COL9A1: variants seen among roughly 807,000 people sequenced by gnomAD.
COL9A1 encodes collagen type IX alpha 1 chain.
In COL9A1, 104 loss-of-function variants were observed where a neutral mutation model predicts 142.6. The ratio of observed to expected loss-of-function variants is 0.73; its 90% CI spans 0.62 to 0.86. COL9A1 has a LOEUF of 0.86. Ranked by LOEUF, COL9A1 falls within the 40% of genes least tolerant of loss-of-function variation. The pLI is 0.00. For synonymous variants in COL9A1, 466 were observed against 396.0 expected (o/e 1.18, Z -2.10); for missense variants, 1,210 against 1,176.6 (o/e 1.03, Z -0.42).
In COL9A1 at chr6:70,277,591, T is replaced by G. The variant is rs558969319; in HGVS notation, c.976-2819A>C. On this transcript the variant is annotated intron_variant, in intron 10 of 37. Transcript: ENST00000357250. ...GACTGTGTTCTGAACTTCATGTTACTGTTTGGCAGAGAAAACCAGTCCTCA... is the reference window on the plus strand; with the variant it reads ...GACTGTGTTCTGAACTTCATGTTACGGTTTGGCAGAGAAAACCAGTCCTCA... Among the ~76,000 whole-genome samples, 214 of 152,370 alleles carry G rather than the reference T, an allele frequency of 1.4e-3. 2 individuals are homozygous for G. The highest frequency in any genetic ancestry group is 5.0e-3 in the African/African-American group (208 of 41,586).
intron 37 of COL9A1, among the ~76,000 whole-genome samples, chr6:70,222,360 A>G (rs1222167620): frequency 2.0e-5 from 3 of 152,196 alleles, no homozygotes. Context: ...AAGGTAAAAG[A>G]ATAGTGCATA....
chr6:70,229,794 G>T (rs1517043), intron 36 of COL9A1, among the ~76,000 whole-genome samples: 6,009 of 152,190 alleles, frequency 0.039, 159 homozygotes, highest in Non-Finnish European at 0.061. Context: ...GTATAATATT[G>T]TGTAAAGCAT....
Position 70,274,102 on chromosome 6 carries a change from C to T in COL9A1, c.1030-20G>A, listed in dbSNP as rs16868897. 3.2e-6 allele frequency: 5 copies of T among 1,580,288 alleles called. No individual in the cohort carries two copies. In the South Asian group the frequency reaches 4.6e-5, roughly 15 times the overall value. On this transcript the variant is annotated intron_variant, in intron 11 of 37. Coordinates refer to ENST00000357250, the MANE Select transcript of COL9A1 (RefSeq NM_001851.6). ...TTCTCCCTAAAAATAAAAATAGTTT[C>T]ATTGTACTGACCTTTCATATCATGA...
chr6:70,301,887 A>T, intron 2 of COL9A1, 114 bp downstream of exon 2: 1 of 835,020 alleles, frequency 1.2e-6, no homozygotes, highest in Admixed American at 2.0e-5. Flanking sequence ...TGGATTGAAG[A>T]GTGAGGGTGT....
At position 70,294,500 on chromosome 6, in the gene COL9A1, T is replaced by C. The variant is rs139933266; in HGVS notation, c.363A>G (p.Gly121=). The C allele has an allele frequency of 5.6e-6, 9 of 1,614,106 alleles. No individual in the cohort carries two copies. Among genetic ancestry groups the C allele is most frequent in the Non-Finnish European group, 7.6e-6 (9 of 1,179,958 alleles). ...TGTTCCAGTTCTTTTTGAGAGTGCT[T>C]CCAGTCATTCGAAACGTCGTCAAGA... ...YSFLTTFRMT[G]STLKKNWNIW... is the part of the protein sequence containing the mutation. The change falls in exon 5 of 38, where the codon GGA becomes GGG. Residue 121 remains glycine, a synonymous_variant. Transcript: ENST00000357250.
Position 70,255,160 on chromosome 6 carries a change from T to C in COL9A1, c.1601A>G (p.Lys534Arg). 1.2e-6 allele frequency: 2 copies of C among 1,614,190 alleles called. No individual in the cohort carries two copies. The highest frequency in any genetic ancestry group is 1.7e-6 in the Non-Finnish European group (2 of 1,180,020). ...CAGCTCAGGACATACCGTGTCTCCT[T>C]TGGGCCCAGGGAGACCAGGAATTCC... ...ARGIPGLPGP[K>R]GDTGLPGVDG... Residue 534 changes from lysine to arginine, a missense_variant, in exon 23 of 38, where the codon AAA becomes AGA. Coordinates refer to ENST00000357250, the MANE Select transcript of COL9A1 (RefSeq NM_001851.6).
chr6:70,282,419 AG>A (rs1028035417), intron 7 of COL9A1, among the ~76,000 whole-genome samples: 1 of 152,214 alleles, frequency 6.6e-6, no homozygotes, highest in African/African-American at 2.4e-5. Flanking sequence ...GATGGAAGCC[AG>A]GGCCGCCAAG....
At chr6:70,299,606 C>T (rs1295249713) in intron 4 of COL9A1, among the ~76,000 whole-genome samples, 1 of 152,056 alleles carries the variant, frequency 6.6e-6, no homozygotes, top group Middle Eastern at 3.2e-3. Flanking sequence ...TTGATGTCTG[C>T]CAGAAGCCAA....
At chr6:70,301,634 A>G (rs957681083) in intron 2 of COL9A1, among the ~76,000 whole-genome samples, 1 of 152,154 alleles carries the variant, frequency 6.6e-6, no homozygotes, top group Non-Finnish European at 1.5e-5. Context: ...GGTACATCAA[A>G]CATGCTCTTT....
Position 70,280,877 on chromosome 6 carries a change from G to A in COL9A1, c.913-3C>T, listed in dbSNP as rs774820541. ...TTTCCCGGTTCACCTGCAGGACCCTGAGCAGGGGCAGAAGGGTGCGGGGGC... is the reference window on the plus strand; with the variant it reads ...TTTCCCGGTTCACCTGCAGGACCCTAAGCAGGGGCAGAAGGGTGCGGGGGC... On this transcript the variant is annotated splice_region_variant and splice_polypyrimidine_tract_variant and intron_variant, in intron 9 of 37. Transcript: ENST00000357250. The A allele has an allele frequency of 6.2e-7, 1 of 1,613,558 alleles. No homozygotes were observed. The highest frequency in any genetic ancestry group is 2.2e-5 in the East Asian group (1 of 44,864).
rs553027609 is a variant in COL9A1, at chr6:70,252,823, G to A, written c.1765-508C>T. Among the ~76,000 whole-genome samples the A allele has an allele frequency of 2.0e-3, 310 of 152,256 alleles. 1 individual carries two copies. The highest frequency in any genetic ancestry group is 5.2e-3 in the African/African-American group (214 of 41,546). ...ATCAATCTCATGTGCAGCTCAAGAC[G>A]CTGCAGACCACTGTGACTGGGGAGC... On this transcript the variant is annotated intron_variant, in intron 26 of 37. Coordinates refer to ENST00000357250, the MANE Select transcript of COL9A1 (RefSeq NM_001851.6).
intron 21 of COL9A1, 64 bp from the exon 22 acceptor site, chr6:70,255,454 TAGAA>T: frequency 1.4e-6 from 2 of 1,424,112 alleles, no homozygotes; most frequent in Non-Finnish European, 2.0e-6. Flanking sequence ...TTTTAAAAAT[TAGAA>T]AGTATCATCC....
At chr6:70,295,957 T>G (rs1294153723) in intron 4 of COL9A1, among the ~76,000 whole-genome samples, 1 of 152,246 alleles carries the variant, frequency 6.6e-6, no homozygotes, top group African/African-American at 2.4e-5. Flanking sequence ...AGAACAGTTA[T>G]GGACCAGGAC....
chr6:70,232,543 A>G (rs771103997), intron 36 of COL9A1, 40 bp downstream of exon 36: 8 of 1,600,864 alleles, frequency 5.0e-6, no homozygotes, highest in Non-Finnish European at 6.8e-6. Flanking sequence ...CATCTGAAAA[A>G]GGTTGTGTTC....
At position 70,253,448 on chromosome 6, in the gene COL9A1, A is replaced by G. The variant is rs1209895030; in HGVS notation, c.1720-19T>C. ...GTACACCCTAAAAGAATACATACAC[A>G]ATCCTAGTTTAATCACCTCCTCTGA... is the stretch of plus-strand genomic sequence containing the variant. On this transcript the variant is annotated intron_variant, in intron 25 of 37. Coordinates refer to ENST00000357250, the MANE Select transcript of COL9A1 (RefSeq NM_001851.6). The G allele has an allele frequency of 2.5e-6, 4 of 1,590,744 alleles. No homozygotes were observed. In the African/African-American group the frequency reaches 4.0e-5, roughly 16 times the overall value.
chr6:70,234,501 T>C lies in COL9A1; in HGVS notation c.2314+38A>G, dbSNP rs747099690. On this transcript the variant is annotated intron_variant, in intron 35 of 37. Transcript: ENST00000357250. ...GAATAAAATCTTAAGAAACAAGAGTTGATGGTGGAAAAAGTCAAACCATTG... is the reference window on the plus strand; with the variant it reads ...GAATAAAATCTTAAGAAACAAGAGTCGATGGTGGAAAAAGTCAAACCATTG... The C allele has an allele frequency of 1.9e-6, 3 of 1,604,132 alleles. No individual in the cohort carries two copies. The East Asian group carries it at 6.7e-5, about 36-fold the overall frequency.
At chr6:70,271,330 C>T (rs1772387654) in intron 14 of COL9A1, among the ~76,000 whole-genome samples, 1 of 152,128 alleles carries the variant, frequency 6.6e-6, no homozygotes, top group Non-Finnish European at 1.5e-5. Context: ...AGGCTATTCA[C>T]TTTTATTTCA....
intron 10 of COL9A1, among the ~76,000 whole-genome samples, chr6:70,278,733 G>T (rs1772924785): frequency 6.6e-6 from 1 of 152,098 alleles, no homozygotes. Context: ...CTGCACTGTG[G>T]GTCTGCAAAT....
intron 4 of COL9A1, among the ~76,000 whole-genome samples, chr6:70,298,224 T>TA (rs1237002229): frequency 1.3e-5 from 2 of 152,208 alleles, no homozygotes; most frequent in Non-Finnish European, 2.9e-5. Flanking sequence ...AATAAACACT[T>TA]ACCCAATACC....
Sources: allele counts gnomAD v4.1 joint callset (sites outside exome capture counted in the v4.1 genomes callset), GRCh38; gene constraint gnomAD v4.1.1; transcripts MANE v1.5; gene names NCBI Gene and HGNC (gene_info 2026-07-23, HGNC 2026-07-21).